Variants in FHIT observed in about 807,000 individuals in gnomAD.
The protein encoded by FHIT is fragile histidine triad diadenosine triphosphatase, also known as bis(5'-adenosyl)-triphosphatase.
FHIT carries 19 observed loss-of-function variants against 17.9 expected under a neutral mutation model. The observed-to-expected ratio is 1.06, with a 90% CI of 0.74 to 1.56. The LOEUF (loss-of-function observed/expected upper bound fraction) is 1.56, where lower values mean the gene tolerates loss of function less well. Ranked by LOEUF, FHIT falls within the 40% of genes most tolerant of loss-of-function variation. FHIT has a pLI of 0.00. For missense variants in FHIT, 248 were observed against 189.2 expected (o/e 1.31, Z -1.82); for synonymous variants, 81 against 69.7 (o/e 1.16, Z -0.81).
At chr3:59,783,242 G>T (rs143467406) in intron 8 of FHIT, among the ~76,000 whole-genome samples, 1 of 152,130 alleles carries the variant, frequency 6.6e-6, no homozygotes, top group Admixed American at 6.5e-5. Context: ...AGGCCAAGGC[G>T]GGAAGATCAC....
At chr3:61,029,256 A>G (rs2107663414) in intron 3 of FHIT, among the ~76,000 whole-genome samples, 1 of 152,290 alleles carries the variant, frequency 6.6e-6, no homozygotes, top group Non-Finnish European at 1.5e-5. Context: ...CTGTACCAAG[A>G]TTTACTGCTC....
intron 5 of FHIT, among the ~76,000 whole-genome samples, chr3:60,066,887 G>A (rs974069824): frequency 4.6e-5 from 7 of 151,690 alleles, no homozygotes; most frequent in Non-Finnish European, 8.8e-5. Context: ...CTTGTGATCC[G>A]CCCACCTCGG....
chr3:60,899,570 C>T (rs1472915718), intron 3 of FHIT, among the ~76,000 whole-genome samples: 1 of 152,136 alleles, frequency 6.6e-6, no homozygotes, highest in South Asian at 2.1e-4. Context: ...ATAAAGGAAA[C>T]CTGCTCCTAA....
At chr3:60,599,564 G>C (rs1553668040) in intron 4 of FHIT, among the ~76,000 whole-genome samples, 2 of 152,080 alleles carry the variant, frequency 1.3e-5, no homozygotes, top group East Asian at 3.9e-4. Flanking sequence ...CTTAACCATT[G>C]TGGGGAAGAT....
chr3:60,091,316 A>AG (rs1470633936), intron 5 of FHIT, among the ~76,000 whole-genome samples: 8 of 152,336 alleles, frequency 5.3e-5, no homozygotes, highest in African/African-American at 1.9e-4. Context: ...ATAAAGAGGA[A>AG]GGGTCTTTGG....
At chr3:60,079,145 A>G (rs1345531126) in intron 5 of FHIT, among the ~76,000 whole-genome samples, 1 of 152,106 alleles carries the variant, frequency 6.6e-6, no homozygotes, top group African/African-American at 2.4e-5. Flanking sequence ...AGCACACAGT[A>G]AGTATAGCTT....
intron 2 of FHIT, among the ~76,000 whole-genome samples, chr3:61,170,638 T>C (rs2037975482): frequency 6.6e-6 from 1 of 152,174 alleles, no homozygotes; most frequent in Admixed American, 6.5e-5. Context: ...GGTTTTCTGT[T>C]CATGTGTTAG....
chr3:60,676,875 G>A (rs1559632746), intron 4 of FHIT, among the ~76,000 whole-genome samples: 1 of 151,818 alleles, frequency 6.6e-6, no homozygotes, highest in African/African-American at 2.4e-5. Context: ...TGTTGTTATT[G>A]TTGTTATTGT....
chr3:60,832,644 T>C (rs538721530), intron 3 of FHIT, among the ~76,000 whole-genome samples: 2 of 151,654 alleles, frequency 1.3e-5, no homozygotes, highest in African/African-American at 4.8e-5. Flanking sequence ...TCCTGGCTAA[T>C]CACTCCCTTT....
intron 4 of FHIT, among the ~76,000 whole-genome samples, chr3:60,720,524 T>C (rs2041786378): frequency 6.6e-6 from 1 of 152,210 alleles, no homozygotes; most frequent in Admixed American, 6.5e-5. Flanking sequence ...TTTTGAATAT[T>C]AGTCTTGCTA....
chr3:61,067,056 C>G (rs2034636865), intron 2 of FHIT, among the ~76,000 whole-genome samples: 1 of 152,088 alleles, frequency 6.6e-6, no homozygotes, highest in South Asian at 2.1e-4. Context: ...AAGGCCTAAA[C>G]CAGAATAGTA....
intron 5 of FHIT, among the ~76,000 whole-genome samples, chr3:60,319,943 G>A (rs1476163338): frequency 6.6e-6 from 1 of 152,118 alleles, no homozygotes; most frequent in Non-Finnish European, 1.5e-5. Flanking sequence ...AACGACCTAA[G>A]AGGATGCACA....
intron 4 of FHIT, among the ~76,000 whole-genome samples, chr3:60,791,344 A>C (rs1456010332): frequency 2.6e-5 from 4 of 152,236 alleles, no homozygotes; most frequent in Admixed American, 6.5e-5. Flanking sequence ...CTCAAAGAAG[A>C]AAAAGTTAAA....
intron 5 of FHIT, among the ~76,000 whole-genome samples, chr3:60,418,425 T>TAC (rs1553767534): frequency 2.3e-4 from 5 of 21,768 alleles, no homozygotes; most frequent in African/African-American, 5.3e-4. Flanking sequence ...TATATATATA[T>TAC]ACGTGTATAC....
intron 5 of FHIT, among the ~76,000 whole-genome samples, chr3:60,512,481 A>G (rs1022198021): frequency 6.6e-6 from 1 of 152,236 alleles, no homozygotes; most frequent in African/African-American, 2.4e-5. Context: ...CTCGACCAGC[A>G]TAGTTCTCCT....
chr3:60,380,398 T>G (rs1700748593), intron 5 of FHIT, among the ~76,000 whole-genome samples: 1 of 152,200 alleles, frequency 6.6e-6, no homozygotes, highest in South Asian at 2.1e-4. Flanking sequence ...GTGCCATGCT[T>G]GTACACCCTG....
chr3:60,668,788 C>A (rs13314853), intron 4 of FHIT, among the ~76,000 whole-genome samples: 16,561 of 151,820 alleles, frequency 0.11, 1,708 homozygotes, highest in African/African-American at 0.27. Context: ...GATGGTCTCG[C>A]TCTCCTGACC....
chr3:60,521,078 G>C (rs1253236797), intron 5 of FHIT, among the ~76,000 whole-genome samples: 1 of 151,868 alleles, frequency 6.6e-6, no homozygotes, highest in Admixed American at 6.6e-5. Flanking sequence ...TTGAGTCTGG[G>C]TTTTTCCAGT....
At chr3:60,138,554 T>C (rs949813014) in intron 5 of FHIT, among the ~76,000 whole-genome samples, 2 of 152,168 alleles carry the variant, frequency 1.3e-5, no homozygotes, top group African/African-American at 2.4e-5. Flanking sequence ...TATGCTATCA[T>C]CTAGGCTCCC....
Sources: allele counts gnomAD v4.1 joint callset (sites outside exome capture counted in the v4.1 genomes callset), GRCh38; gene constraint gnomAD v4.1.1; transcripts MANE v1.5; gene names NCBI Gene and HGNC (gene_info 2026-07-23, HGNC 2026-07-21).